The following ERBB4 variants were observed in gnomAD, a reference collection of about 807,000 sequenced individuals.
The protein encoded by ERBB4 is erb-b2 receptor tyrosine kinase 4.
In ERBB4, 42 loss-of-function variants were observed where a neutral mutation model predicts 158.0. The observed-to-expected ratio is 0.27, with a 90% confidence interval of 0.21 to 0.34. The LOEUF is 0.34. ERBB4 is among the 10% of genes least tolerant of loss of function. The pLI is 1.00. For missense variants in ERBB4, 1,333 were observed against 1,624.1 expected (o/e 0.82, Z 3.08); for synonymous variants, 583 against 558.7 (o/e 1.04, Z -0.61).
chr2:211,784,777 T>C (rs1357840765), intron 4 of ERBB4, among the ~76,000 whole-genome samples: 2 of 152,202 alleles, frequency 1.3e-5, no homozygotes, highest in Non-Finnish European at 2.9e-5. Flanking sequence ...TATATTTTAA[T>C]ATTAGACATC....
chr2:211,855,686 A>C (rs2106049610), intron 3 of ERBB4, among the ~76,000 whole-genome samples: 1 of 152,276 alleles, frequency 6.6e-6, no homozygotes, highest in East Asian at 1.9e-4. Flanking sequence ...TAATAGGCAT[A>C]CTGTGTACTG....
chr2:212,437,201 T>C (rs1257571200), intron 1 of ERBB4, among the ~76,000 whole-genome samples: 1 of 152,054 alleles, frequency 6.6e-6, no homozygotes, highest in Non-Finnish European at 1.5e-5. Context: ...GTACTGCTCC[T>C]AAATAAGTTT....
rs138636868 is a variant in ERBB4, at chr2:212,326,637, G to A, written c.83-201734C>T. Among the ~76,000 whole-genome samples the A allele has an allele frequency of 1.7e-4, 26 of 150,636 alleles. 1 individual carries two copies. In the East Asian group the frequency reaches 4.9e-3, roughly 28 times the overall value. On this transcript the variant is annotated intron_variant, in intron 1 of 27. Transcript: ENST00000342788. The stretch of plus-strand genomic sequence containing the variant: ...AATGCTATTTTATATAAACATAGAC[G>A]CCCTCAGTCCCTAATGCATAACCCT...
chr2:211,883,947 C>T (rs180770052), intron 3 of ERBB4, among the ~76,000 whole-genome samples: 3 of 152,192 alleles, frequency 2.0e-5, no homozygotes, highest in East Asian at 1.9e-4. Flanking sequence ...ACTCACTCCC[C>T]GGTGAGGCCA....
At chr2:211,515,912 A>ATATATATATATATATATATATATT (rs35696520) in intron 20 of ERBB4, among the ~76,000 whole-genome samples, 73 of 78,960 alleles carry the variant, frequency 9.2e-4, no homozygotes, top group Non-Finnish European at 1.3e-3. Flanking sequence ...ATATATATAT[A>ATATATATATATATATATATATATT]TTTTTTTTTT....
At chr2:212,112,018 T>C (rs949301279) in intron 2 of ERBB4, among the ~76,000 whole-genome samples, 1 of 152,230 alleles carries the variant, frequency 6.6e-6, no homozygotes, top group African/African-American at 2.4e-5. Flanking sequence ...AATTCTTTTT[T>C]ATTTTTATTT....
intron 5 of ERBB4, 69 bp downstream of exon 5, chr2:211,750,570 T>G: frequency 7.5e-7 from 1 of 1,332,692 alleles, no homozygotes; most frequent in South Asian, 1.2e-5. Context: ...ACCAGAGGCA[T>G]GAAATGGACC....
chr2:211,971,521 A>G (rs1458170072), intron 2 of ERBB4, among the ~76,000 whole-genome samples: 1 of 152,172 alleles, frequency 6.6e-6, no homozygotes, highest in Admixed American at 6.5e-5. Context: ...ATTCCAAAAA[A>G]TTGAGAAGGA....
chr2:212,074,817 C>T (rs573754394), intron 2 of ERBB4, among the ~76,000 whole-genome samples: 9 of 151,910 alleles, frequency 5.9e-5, no homozygotes, highest in Non-Finnish European at 7.4e-5. Flanking sequence ...CATTGTAAAA[C>T]GCTATCAAGT....
intron 2 of ERBB4, among the ~76,000 whole-genome samples, chr2:212,057,288 T>G (rs1463969067): frequency 1.3e-5 from 2 of 152,100 alleles, no homozygotes; most frequent in Non-Finnish European, 2.9e-5. Context: ...AGCAAGTCCT[T>G]ACAGACCTAG....
At chr2:212,058,862 T>A (rs1218236014) in intron 2 of ERBB4, among the ~76,000 whole-genome samples, 1 of 152,148 alleles carries the variant, frequency 6.6e-6, no homozygotes, top group African/African-American at 2.4e-5. Context: ...CTGGAAGCAT[T>A]CCCTTTGAAA....
chr2:211,806,963 T>C (rs1354181971), intron 3 of ERBB4, among the ~76,000 whole-genome samples: 2 of 152,130 alleles, frequency 1.3e-5, no homozygotes, highest in Non-Finnish European at 2.9e-5. Flanking sequence ...ACAATATTGT[T>C]TAAAAGACAG....
chr2:211,772,838 CAT>C (rs1278564933), intron 4 of ERBB4, among the ~76,000 whole-genome samples: 1,275 of 18,260 alleles, frequency 0.07, 58 homozygotes, highest in Admixed American at 0.12. Context: ...TATATATACA[CAT>C]ATATATATAT....
At chr2:211,602,253 T>C (rs1258039156) in intron 19 of ERBB4, among the ~76,000 whole-genome samples, 1 of 152,094 alleles carries the variant, frequency 6.6e-6, no homozygotes, top group Non-Finnish European at 1.5e-5. Flanking sequence ...TTCTTTGACA[T>C]GAAAACCTGA....
At chr2:212,226,607 T>C (rs2083479357) in intron 1 of ERBB4, among the ~76,000 whole-genome samples, 2 of 152,194 alleles carry the variant, frequency 1.3e-5, no homozygotes, top group African/African-American at 2.4e-5. Context: ...TGTTACTTGC[T>C]GAAAGACAGT....
chr2:211,531,705 T>C (rs984457162), intron 20 of ERBB4, among the ~76,000 whole-genome samples: 1 of 152,088 alleles, frequency 6.6e-6, no homozygotes, highest in African/African-American at 2.4e-5. Context: ...TCATACGCTG[T>C]TGGTGGGAAT....
chr2:212,245,439 A>T (rs935857808), intron 1 of ERBB4, among the ~76,000 whole-genome samples: 2 of 152,146 alleles, frequency 1.3e-5, no homozygotes, highest in Admixed American at 6.5e-5. Flanking sequence ...TATAATGGTA[A>T]GTGAGTAACT....
chr2:211,568,988 G>T (rs1422151621), intron 19 of ERBB4, among the ~76,000 whole-genome samples: 1 of 152,116 alleles, frequency 6.6e-6, no homozygotes, highest in Non-Finnish European at 1.5e-5. Flanking sequence ...GGGTAAATAG[G>T]TGAGCAGTAA....
At chr2:211,556,275 T>G (rs2067235718) in intron 20 of ERBB4, among the ~76,000 whole-genome samples, 1 of 152,220 alleles carries the variant, frequency 6.6e-6, no homozygotes, top group Non-Finnish European at 1.5e-5. Flanking sequence ...CAGGAGCACT[T>G]AGATTCATAA....
Sources: allele counts gnomAD v4.1 joint callset (sites outside exome capture counted in the v4.1 genomes callset), GRCh38; gene constraint gnomAD v4.1.1; transcripts MANE v1.5; gene names NCBI Gene and HGNC (gene_info 2026-07-23, HGNC 2026-07-21).